The following SOX5 variants were observed in gnomAD, a reference collection of about 807,000 sequenced individuals.
The protein encoded by SOX5 is transcription factor SOX-5.
SOX5 carries 9 observed loss-of-function variants against 92.0 expected under a neutral mutation model. That is an observed-to-expected ratio of 0.10 (90% CI 0.06 to 0.17). The LOEUF is 0.17. SOX5 is among the 10% of genes least tolerant of loss of function. The pLI, the probability that SOX5 is intolerant of heterozygous loss-of-function variation, is 1.00. For missense variants in SOX5, 642 were observed against 944.5 expected, an observed-to-expected ratio of 0.68 and a Z score of 4.20; for synonymous variants, 344 against 336.3, an observed-to-expected ratio of 1.02 and a Z score of -0.25.
intron 8 of SOX5, among the ~76,000 whole-genome samples, chr12:23,633,001 T>C (rs1039269834): frequency 6.6e-6 from 1 of 152,158 alleles, no homozygotes; most frequent in Admixed American, 6.6e-5. Flanking sequence ...AAATGATGAT[T>C]GGATGCTACT....
intron 9 of SOX5, among the ~76,000 whole-genome samples, chr12:23,584,244 G>GA (rs147927306): frequency 0.021 from 3,150 of 152,044 alleles, 101 homozygotes; most frequent in African/African-American, 0.072. Flanking sequence ...TTGACGGGGG[G>GA]AAAAAACCAC....
chr12:23,545,901 A>G (rs1943047448), intron 12 of SOX5, among the ~76,000 whole-genome samples: 1 of 151,852 alleles, frequency 6.6e-6, no homozygotes, highest in African/African-American at 2.4e-5. Flanking sequence ...ATTGCTGGGC[A>G]TGTTGGCATG....
intron 4 of SOX5, among the ~76,000 whole-genome samples, chr12:24,108,257 T>C (rs933555884): frequency 2.0e-5 from 3 of 152,236 alleles, no homozygotes; most frequent in African/African-American, 7.2e-5. Flanking sequence ...CAGAAATCTA[T>C]TTCACTTACA....
intron 1 of SOX5, among the ~76,000 whole-genome samples, chr12:24,505,391 C>A (rs1183814330): frequency 6.6e-6 from 1 of 152,002 alleles, no homozygotes; most frequent in Non-Finnish European, 1.5e-5. Flanking sequence ...AAATTAAAAA[C>A]AAGAATAAGG....
At chr12:23,735,810 A>G (rs936141866) in intron 5 of SOX5, among the ~76,000 whole-genome samples, 2 of 152,250 alleles carry the variant, frequency 1.3e-5, no homozygotes, top group African/African-American at 2.4e-5. Context: ...TTACTTCTAC[A>G]TTTACTTCTA....
At chr12:23,838,689 A>C (rs118182263) in intron 3 of SOX5, among the ~76,000 whole-genome samples, 1 of 152,226 alleles carries the variant, frequency 6.6e-6, no homozygotes, top group East Asian at 1.9e-4. Flanking sequence ...GTAGGAAATA[A>C]AATAAAAACA....
intron 1 of SOX5, among the ~76,000 whole-genome samples, chr12:24,470,475 A>C (rs983546376): frequency 2.0e-5 from 3 of 152,062 alleles, no homozygotes; most frequent in Non-Finnish European, 4.4e-5. Flanking sequence ...AAGATCACGG[A>C]AACACTTAAA....
chr12:24,474,815 C>T lies in SOX5; in HGVS notation c.-251+87514G>A, dbSNP rs1325664445. Among the ~76,000 whole-genome samples the T allele has an allele frequency of 2.0e-5, 3 of 151,742 alleles. No homozygotes were observed. In the East Asian group the frequency reaches 5.8e-4, roughly 29 times the overall value. On this transcript the variant is annotated intron_variant, in intron 1 of 4. Transcript: ENST00000446891. The stretch of plus-strand genomic sequence containing the variant: ...CCTCCCAAAGTGCTAGGATTACAGG[C>T]ATGAGCCACCACACATGGCCTAATT...
At chr12:24,132,113 G>C (rs1949701933) in intron 4 of SOX5, among the ~76,000 whole-genome samples, 1 of 152,056 alleles carries the variant, frequency 6.6e-6, no homozygotes, top group Non-Finnish European at 1.5e-5. Context: ...AAAATAAAAG[G>C]CTTACTTCAG....
At chr12:24,528,558 A>G (rs1204944147) in intron 1 of SOX5, among the ~76,000 whole-genome samples, 1 of 152,230 alleles carries the variant, frequency 6.6e-6, no homozygotes, top group East Asian at 1.9e-4. Context: ...TTCGGAGAGA[A>G]GAGTGGATGC....
intron 4 of SOX5, among the ~76,000 whole-genome samples, chr12:24,000,906 T>C (rs1230235915): frequency 1.3e-5 from 2 of 152,244 alleles, no homozygotes; most frequent in South Asian, 2.1e-4. Flanking sequence ...AGACAGGATA[T>C]ACAAGAATTG....
chr12:23,969,706 C>T (rs1466634519), intron 4 of SOX5, among the ~76,000 whole-genome samples: 1 of 152,176 alleles, frequency 6.6e-6, no homozygotes, highest in Non-Finnish European at 1.5e-5. Context: ...ACTGTTACAG[C>T]ATTAGAGTTG....
In SOX5 at chr12:24,379,410, G is replaced by T. The variant is rs567320877; in HGVS notation, c.-250-10771C>A. ...TCATTCTGAAGAAGACAGTATGACG[G>T]ATAGCATGCACCCTCTATCCCCTAG... On this transcript the variant is annotated intron_variant, in intron 1 of 4. Transcript: ENST00000446891. Among the ~76,000 whole-genome samples, 8 of 152,242 alleles carry T rather than the reference G, an allele frequency of 5.3e-5. No homozygotes were observed. The South Asian group carries it at 1.7e-3, about 32-fold the overall frequency.
intron 6 of SOX5, among the ~76,000 whole-genome samples, chr12:23,702,229 T>C (rs1401280625): frequency 6.6e-6 from 1 of 152,084 alleles, no homozygotes; most frequent in Non-Finnish European, 1.5e-5. Context: ...AAAGGACTAA[T>C]TACAACTAAG....
intron 1 of SOX5, among the ~76,000 whole-genome samples, chr12:24,529,674 T>C (rs919880998): frequency 1.3e-5 from 2 of 152,206 alleles, no homozygotes; most frequent in African/African-American, 4.8e-5. Context: ...AAGCAGACCT[T>C]GTAATTTTTT....
At chr12:23,949,715 CCCCCCTCCCTCCCTCCCT>C, upstream of SOX5, 1 of 1,265,080 alleles carries the variant, frequency 7.9e-7, no homozygotes, top group Non-Finnish European at 1.1e-6. Context: ...CTGTCTCTTC[CCCCCCTCCCTCCCTCCCT>C]CTCTCTCTCT....
At chr12:23,949,909 G>T (rs191728561), upstream of SOX5, among the ~76,000 whole-genome samples, 1 of 149,658 alleles carries the variant, frequency 6.7e-6, no homozygotes, top group East Asian at 2.0e-4. Context: ...GGAGCCACAC[G>T]CTCCGGCTGC....
intron 4 of SOX5, among the ~76,000 whole-genome samples, chr12:24,190,268 T>C (rs1446799538): frequency 6.6e-6 from 1 of 152,190 alleles, no homozygotes; most frequent in African/African-American, 2.4e-5. Context: ...CCTGTGTCAT[T>C]TCCAAACTCC....
intron 5 of SOX5, among the ~76,000 whole-genome samples, chr12:23,735,763 C>G (rs779497044): frequency 6.6e-6 from 1 of 152,188 alleles, no homozygotes; most frequent in East Asian, 1.9e-4. Context: ...ACTTAGGAAA[C>G]AGCACAATCA....
Sources: allele counts gnomAD v4.1 joint callset (sites outside exome capture counted in the v4.1 genomes callset), GRCh38; gene constraint gnomAD v4.1.1; transcripts MANE v1.5; gene names NCBI Gene and HGNC (gene_info 2026-07-23, HGNC 2026-07-21).